Variants in VPS36 observed in about 807,000 individuals in gnomAD.
VPS36 encodes vacuolar protein sorting 36 homolog, also known as vacuolar protein-sorting-associated protein 36.
A neutral mutation model predicts 63.5 loss-of-function variants in VPS36; 31 were observed. That is an observed-to-expected ratio of 0.49 (90% CI 0.37 to 0.66). The LOEUF is 0.66. VPS36 is among the 30% of genes least tolerant of loss of function. VPS36 has a pLI of 0.00. For missense variants in VPS36, 338 were observed against 463.7 expected (o/e 0.73, Z 2.49); for synonymous variants, 138 against 157.2 (o/e 0.88, Z 0.91).
At chr13:52,433,338 C>G (rs61958055) in intron 6 of VPS36, among the ~76,000 whole-genome samples, 6,039 of 152,300 alleles carry the variant, frequency 0.04, 136 homozygotes, top group South Asian at 0.07. Context: ...GTTACTTCAA[C>G]TTCCAAAATA....
chr13:52,444,925 CAT>C (rs1302795697), intron 1 of VPS36, among the ~76,000 whole-genome samples: 1 of 152,270 alleles, frequency 6.6e-6, no homozygotes, highest in African/African-American at 2.4e-5. Context: ...CACATAGGAA[CAT>C]ATGTCAAAAA....
chr13:52,425,629 TAGATGTATGGA>T (rs1958094761), intron 9 of VPS36: 1 of 214,496 alleles, frequency 4.7e-6, no homozygotes. Context: ...TAGTAAAGAC[TAGATGTATGGA>T]AATATATCTA....
In VPS36 at chr13:52,428,608, GC is replaced by G. The variant is rs1958126551; in HGVS notation, c.529-1390del. On this transcript the variant is annotated intron_variant, in intron 6 of 13. Coordinates refer to ENST00000378060, the MANE Select transcript of VPS36 (RefSeq NM_016075.4). ...AAACCCTTTGTGAGAAACTCTGGGC[GC>G]CAGCTCTGAAACTAAGTCAATTCTA... Among the ~76,000 whole-genome samples the G allele has an allele frequency of 2.0e-5, 3 of 152,182 alleles. No homozygotes were observed. In the South Asian group the frequency reaches 6.2e-4, roughly 31 times the overall value.
intron 4 of VPS36, among the ~76,000 whole-genome samples, chr13:52,435,720 G>A (rs1490931602): frequency 6.6e-6 from 1 of 152,122 alleles, no homozygotes; most frequent in Non-Finnish European, 1.5e-5. Flanking sequence ...CACTTGTCAG[G>A]AGCACTGGGT....
intron 8 of VPS36, among the ~76,000 whole-genome samples, chr13:52,426,723 C>T (rs57359576): frequency 2.0e-5 from 3 of 152,266 alleles, no homozygotes; most frequent in African/African-American, 4.8e-5. Flanking sequence ...GGCGTGGTGG[C>T]ACGTGCCTGT....
intron 4 of VPS36, 128 bp downstream of exon 4, chr13:52,436,162 T>C: frequency 1.8e-6 from 1 of 566,784 alleles, no homozygotes; most frequent in Admixed American, 3.2e-5. Context: ...ATTGTAAAAA[T>C]ATGGTGAAAT....
chr13:52,444,570 A>G (rs1320552202), intron 1 of VPS36, among the ~76,000 whole-genome samples: 1 of 147,790 alleles, frequency 6.8e-6, no homozygotes, highest in Non-Finnish European at 1.5e-5. Flanking sequence ...ATACACATAT[A>G]TATACACACA....
At chr13:52,416,922 C>G (rs1566081483) in intron 12 of VPS36, 135 bp downstream of exon 12, 10 of 713,840 alleles carry the variant, frequency 1.4e-5, no homozygotes, top group Non-Finnish European at 2.1e-5. Flanking sequence ...TAGTGATAAA[C>G]CATTTTTATT....
At chr13:52,442,144 C>T (rs892940423) in intron 2 of VPS36, among the ~76,000 whole-genome samples, 1 of 152,128 alleles carries the variant, frequency 6.6e-6, no homozygotes, top group Non-Finnish European at 1.5e-5. Context: ...TTTATTATTG[C>T]ATTCATTATA....
rs1407490392 is a variant in VPS36 at position 52,415,677 on chromosome 13, G to A, written c.*153C>T. ...ATGCGTATACTAAATAAATTTCCTGGACCATATTTAGTGAGAAATTAAAAG... is the reference window on the plus strand; with the variant it reads ...ATGCGTATACTAAATAAATTTCCTGAACCATATTTAGTGAGAAATTAAAAG... On this transcript the variant is annotated 3_prime_UTR_variant, in exon 14 of 14. Coordinates refer to ENST00000378060, the MANE Select transcript of VPS36 (RefSeq NM_016075.4). 1 of 763,392 alleles carries A rather than the reference G, an allele frequency of 1.3e-6. No individual in the cohort carries two copies. The allele number at this position is 763,392 out of a possible 1,614,324, so 47.3% of individuals were successfully genotyped here. A position where few individuals can be genotyped will look rare whatever the true frequency, so the allele number is the denominator to read the frequency against.
At chr13:52,446,719 C>T (rs1958347127) in intron 1 of VPS36, among the ~76,000 whole-genome samples, 1 of 151,726 alleles carries the variant, frequency 6.6e-6, no homozygotes, top group Non-Finnish European at 1.5e-5. Context: ...ATAACTCATA[C>T]CAGCCAGAGT....
intron 9 of VPS36, among the ~76,000 whole-genome samples, chr13:52,424,373 A>G (rs1322021300): frequency 6.6e-6 from 1 of 152,214 alleles, no homozygotes; most frequent in Non-Finnish European, 1.5e-5. Context: ...TTTAAAAATT[A>G]AAAAAAGACA....
At chr13:52,416,240 C>T (rs1957991180) in intron 12 of VPS36, 147 bp from the exon 13 acceptor site, 1 of 754,928 alleles carries the variant, frequency 1.3e-6, no homozygotes, top group East Asian at 2.7e-5. Flanking sequence ...AAAGAACATT[C>T]ACACTATAAC....
At position 52,436,378 on chromosome 13, in the gene VPS36, G is replaced by A. The variant is rs1256335544; in HGVS notation, c.263C>T (p.Pro88Leu). 6.2e-7 allele frequency: 1 copy of A among 1,612,400 alleles called. No individual in the cohort carries two copies. Among genetic ancestry groups the A allele is most frequent in the Non-Finnish European group, 8.5e-7 (1 of 1,179,258 alleles). The change falls in exon 4 of 14, where the codon CCA becomes CTA. Residue 88 changes from proline to leucine, a missense_variant. Physicochemically the swap from Pro to Leu is moderately conservative, Grantham distance 98. Coordinates refer to ENST00000378060, the MANE Select transcript of VPS36 (RefSeq NM_016075.4). ...GCCAGGTTCTTTGTTAGGAGGAGCT[G>A]GGTGAAGATGAACCACTATTTTGGC... The part of the protein sequence containing the change: ...KSAKIVVHLH[P>L]APPNKEPGPF...
intron 1 of VPS36, chr13:52,450,095 C>G (rs1248803432): frequency 2.0e-6 from 2 of 989,570 alleles, no homozygotes; most frequent in Admixed American, 1.2e-4. Flanking sequence ...GTGCCGACGC[C>G]GAGGTTGGTG....
At chr13:52,440,825 CAGTCCCCAACCTTTTGTGT>C (rs1202768993) in intron 2 of VPS36, among the ~76,000 whole-genome samples, 2 of 152,322 alleles carry the variant, frequency 1.3e-5, no homozygotes, top group East Asian at 3.9e-4. Flanking sequence ...TCTAAGGCAG[CAGTCCCCAACCTTTTGTGT>C]ATCAGGGACC....
chr13:52,445,709 G>A (rs560021423), intron 1 of VPS36, among the ~76,000 whole-genome samples: 92 of 117,132 alleles, frequency 7.9e-4, no homozygotes, highest in Middle Eastern at 0.016. Context: ...AGGCCTAGGC[G>A]GGCGGATCAC....
rs372192641 is a variant in VPS36 at position 52,435,263 on chromosome 13, G to A, written c.352-381C>T. 1.3e-4 allele frequency among the ~76,000 whole-genome samples: 19 copies of A among 152,000 alleles called. 1 individual carries two copies. The highest frequency in any genetic ancestry group is 7.7e-4 in the East Asian group (4 of 5,184). ...TGGGATTATAGGTGTGAGCCACCGCGCCCGGCCACTTAACATTTCTTCAGT... is the reference window on the plus strand; with the variant it reads ...TGGGATTATAGGTGTGAGCCACCGCACCCGGCCACTTAACATTTCTTCAGT... On this transcript the variant is annotated intron_variant, in intron 4 of 13. Transcript: ENST00000378060.
At chr13:52,417,453 C>T (rs111992463) in intron 11 of VPS36, among the ~76,000 whole-genome samples, 5,555 of 152,188 alleles carry the variant, frequency 0.037, 117 homozygotes, top group South Asian at 0.059. Context: ...CTCCGCCTCC[C>T]GGGTTCAAGC....
Sources: allele counts gnomAD v4.1 joint callset (sites outside exome capture counted in the v4.1 genomes callset), GRCh38; gene constraint gnomAD v4.1.1; transcripts MANE v1.5; gene names NCBI Gene and HGNC (gene_info 2026-07-23, HGNC 2026-07-21).